PARD3B: variants seen among roughly 807,000 people sequenced by gnomAD.
The protein encoded by PARD3B is par-3 family cell polarity regulator beta.
A neutral mutation model predicts 130.2 loss-of-function variants in PARD3B; 103 were observed. The ratio of observed to expected loss-of-function variants is 0.79; its 90% CI spans 0.67 to 0.93. PARD3B has a LOEUF of 0.93. PARD3B is among the 40% of genes least tolerant of loss of function. The pLI is 0.00. For synonymous variants in PARD3B, 583 were observed against 553.2 expected (o/e 1.05, Z -0.76); for missense variants, 1,609 against 1,499.2 (o/e 1.07, Z -1.21).
chr2:204,660,405 A>G (rs990744806), intron 1 of PARD3B, among the ~76,000 whole-genome samples: 35 of 152,228 alleles, frequency 2.3e-4, no homozygotes, highest in African/African-American at 7.7e-4. Flanking sequence ...TTTAAAACAA[A>G]TGAAGTTATT....
chr2:205,215,545 A>G (rs1158560977), intron 15 of PARD3B, among the ~76,000 whole-genome samples: 1 of 152,150 alleles, frequency 6.6e-6, no homozygotes, highest in Non-Finnish European at 1.5e-5. Flanking sequence ...AAAGGGCAAA[A>G]GAAATTTATT....
At chr2:205,166,671 G>GT (rs2034838370) in intron 11 of PARD3B, among the ~76,000 whole-genome samples, 1 of 152,086 alleles carries the variant, frequency 6.6e-6, no homozygotes, top group Non-Finnish European at 1.5e-5. Context: ...GGTTTGATTT[G>GT]TTTTTTCAAA....
intron 16 of PARD3B, among the ~76,000 whole-genome samples, chr2:205,298,772 T>C (rs1452026383): frequency 6.6e-6 from 1 of 152,140 alleles, no homozygotes; most frequent in African/African-American, 2.4e-5. Flanking sequence ...ATGAGGACAA[T>C]GTAGGGCAGT....
At position 205,563,840 on chromosome 2, in the gene PARD3B, G is replaced by A. The variant is rs543527316; in HGVS notation, c.3260+10437G>A. Reference sequence around the variant, plus strand: ...GAACATACACAGAGATGTGAGTGGCGCCCCCTAGGGCTGCACAGACCATGT... The same window carrying A: ...GAACATACACAGAGATGTGAGTGGCACCCCCTAGGGCTGCACAGACCATGT... On this transcript the variant is annotated intron_variant, in intron 22 of 22. Coordinates refer to ENST00000406610, the MANE Select transcript of PARD3B (RefSeq NM_001302769.2). The surrounding 1 kb of genome is among the most constrained non-coding windows in gnomAD (Gnocchi z 4.2). Among the ~76,000 whole-genome samples the A allele has an allele frequency of 1.3e-4, 20 of 151,996 alleles. No individual in the cohort carries two copies. Among genetic ancestry groups the A allele is most frequent in the African/African-American group, 4.8e-4 (20 of 41,434 alleles).
chr2:205,002,989 G>T (rs1488511364), intron 3 of PARD3B, among the ~76,000 whole-genome samples: 2 of 152,200 alleles, frequency 1.3e-5, no homozygotes, highest in Non-Finnish European at 2.9e-5. Flanking sequence ...GTCGAAGGTT[G>T]TTCCAGGCTG....
At chr2:204,794,151 T>C (rs1358088752) in intron 2 of PARD3B, among the ~76,000 whole-genome samples, 19 of 152,178 alleles carry the variant, frequency 1.2e-4, no homozygotes, top group Admixed American at 1.1e-3. Context: ...TTGGTAATGT[T>C]CAAAGCAACA....
chr2:205,430,426 C>T lies in PARD3B; in HGVS notation c.2742-9944C>T, dbSNP rs150034653. Among the ~76,000 whole-genome samples the T allele has an allele frequency of 3.4e-3, 517 of 152,290 alleles. 1 individual carries two copies. The highest frequency in any genetic ancestry group is 0.015 in the South Asian group (70 of 4,820). Reference sequence around the variant, plus strand: ...TGTCCAATATGATAAACGTTAGTCACGTTGAAATTTAATTCATTTAAATTT... The same window carrying T: ...TGTCCAATATGATAAACGTTAGTCATGTTGAAATTTAATTCATTTAAATTT... On this transcript the variant is annotated intron_variant, in intron 19 of 22. Coordinates refer to ENST00000406610, the MANE Select transcript of PARD3B (RefSeq NM_001302769.2).
At chr2:204,838,840 G>A (rs923698694) in intron 2 of PARD3B, among the ~76,000 whole-genome samples, 1 of 152,064 alleles carries the variant, frequency 6.6e-6, no homozygotes, top group African/African-American at 2.4e-5. Context: ...TACATCTATT[G>A]TGTATCAATA....
intron 2 of PARD3B, among the ~76,000 whole-genome samples, chr2:204,883,453 A>ATTTT (rs1255418062): frequency 4.3e-4 from 42 of 97,998 alleles, no homozygotes; most frequent in Middle Eastern, 5.4e-3. Context: ...ATATATATAT[A>ATTTT]TATTTTTTTT....
intron 18 of PARD3B, among the ~76,000 whole-genome samples, chr2:205,330,518 ACT>A (rs1332479306): frequency 4.0e-5 from 6 of 151,754 alleles, no homozygotes; most frequent in Non-Finnish European, 8.8e-5. Context: ...TATAGACCTG[ACT>A]CTGTAGCTCC....
intron 3 of PARD3B, among the ~76,000 whole-genome samples, chr2:205,037,679 A>G (rs1439936853): frequency 3.4e-5 from 2 of 59,582 alleles, no homozygotes; most frequent in East Asian, 6.3e-4. Flanking sequence ...ATAGTGGACT[A>G]TATATATATA....
At chr2:205,239,081 T>C (rs962615673) in intron 15 of PARD3B, among the ~76,000 whole-genome samples, 1 of 151,670 alleles carries the variant, frequency 6.6e-6, no homozygotes, top group Non-Finnish European at 1.5e-5. Flanking sequence ...TGTCTCATCC[T>C]ATGAGGCCTT....
chr2:205,052,405 TTTTATATATATATG>T (rs1329653118), intron 4 of PARD3B, among the ~76,000 whole-genome samples: 2 of 117,338 alleles, frequency 1.7e-5, no homozygotes, highest in African/African-American at 6.4e-5. Context: ...TCCATGTGTA[TTTTATATATATATG>T]TATATATATA....
intron 20 of PARD3B, among the ~76,000 whole-genome samples, chr2:205,489,043 A>G (rs1416490744): frequency 6.6e-6 from 1 of 152,206 alleles, no homozygotes; most frequent in East Asian, 1.9e-4. Flanking sequence ...GCATGTATGT[A>G]TGCTTGTTTT....
In PARD3B at chr2:205,302,155, G is replaced by A. The variant is rs185463193; in HGVS notation, c.2630+454G>A. On this transcript the variant is annotated intron_variant, in intron 18 of 22. Transcript: ENST00000406610. ...GTGATCTCGGCTCACTGCAACCTCC[G>A]CCTCCTGGGTTCAAGCGATTCTTCT... Among the ~76,000 whole-genome samples, 7 of 122,616 alleles carry A rather than the reference G, an allele frequency of 5.7e-5. No homozygotes were observed. In the East Asian group the frequency reaches 1.1e-3, roughly 19 times the overall value. 80.4% of individuals were successfully genotyped at this position (122,616 alleles called of 152,430 possible).
intron 1 of PARD3B, among the ~76,000 whole-genome samples, chr2:204,649,566 C>A (rs1338700542): frequency 9.9e-5 from 15 of 151,830 alleles, no homozygotes; most frequent in Admixed American, 9.9e-4. Context: ...ACCACCCAGA[C>A]ACACAAAAAA....
chr2:205,400,752 C>G (rs780366969), intron 18 of PARD3B, among the ~76,000 whole-genome samples: 4 of 151,462 alleles, frequency 2.6e-5, no homozygotes, highest in Non-Finnish European at 4.4e-5. Flanking sequence ...CATAAAAGCA[C>G]GTGATATTGT....
intron 1 of PARD3B, among the ~76,000 whole-genome samples, chr2:204,577,455 G>A (rs1253668201): frequency 2.6e-5 from 4 of 152,186 alleles, no homozygotes; most frequent in Non-Finnish European, 4.4e-5. Flanking sequence ...CAGCCTGTCT[G>A]GCTCATGTTG....
At chr2:204,684,130 T>A (rs965478974) in intron 1 of PARD3B, among the ~76,000 whole-genome samples, 3 of 152,206 alleles carry the variant, frequency 2.0e-5, no homozygotes, top group African/African-American at 7.2e-5. Context: ...TGTTTCCACC[T>A]CTAGGCAGGA....
Sources: allele counts gnomAD v4.1 joint callset (sites outside exome capture counted in the v4.1 genomes callset), GRCh38; gene constraint gnomAD v4.1.1; non-coding constraint Gnocchi (gnomAD v3.1); transcripts MANE v1.5; gene names NCBI Gene and HGNC (gene_info 2026-07-23, HGNC 2026-07-21).